Variants in SLC22A3 observed in about 807,000 individuals in gnomAD.
The protein encoded by SLC22A3 is solute carrier family 22 member 3.
In SLC22A3, 51 loss-of-function variants were observed where a neutral mutation model predicts 59.1. The observed-to-expected ratio is 0.86, with a 90% CI of 0.69 to 1.09. SLC22A3 has a LOEUF of 1.09. Among genes scored for constraint, SLC22A3 ranks in the 50% least tolerant of loss-of-function variants. SLC22A3 has a pLI of 0.00. For missense variants in SLC22A3, 711 were observed against 726.3 expected (o/e 0.98, Z 0.24); for synonymous variants, 325 against 292.0 (o/e 1.11, Z -1.15).
Position 160,451,125 on chromosome 6 carries a change from AG to A in SLC22A3, c.*70del. On this transcript the variant is annotated 3_prime_UTR_variant, in exon 11 of 11. Coordinates refer to ENST00000275300, the MANE Select transcript of SLC22A3 (RefSeq NM_021977.4). ...TCCTCCTTGCAAAGCTGTGCCTTGC[AG>A]AGATGCACGTGTGCATTTCAGCTAC... The A allele has an allele frequency of 1.4e-6, 2 of 1,412,010 alleles. No individual in the cohort carries two copies. Among genetic ancestry groups the A allele is most frequent in the Non-Finnish European group, 2.0e-6 (2 of 1,015,114 alleles). The allele number at this position is 1,412,010 out of a possible 1,614,324, so 87.5% of individuals were successfully genotyped here.
At chr6:160,417,709 G>C (rs1787558105) in intron 5 of SLC22A3, among the ~76,000 whole-genome samples, 1 of 152,134 alleles carries the variant, frequency 6.6e-6, no homozygotes, top group South Asian at 2.1e-4. Context: ...TTTGATGTTG[G>C]GGTTGACCAT....
At chr6:160,402,974 C>T (rs540937194) in intron 2 of SLC22A3, among the ~76,000 whole-genome samples, 17 of 150,960 alleles carry the variant, frequency 1.1e-4, no homozygotes, top group African/African-American at 4.1e-4. Context: ...AAGCTTTCAC[C>T]TTAGGAAACT....
At chr6:160,436,152 G>A (rs1309325124) in intron 5 of SLC22A3, among the ~76,000 whole-genome samples, 1 of 152,198 alleles carries the variant, frequency 6.6e-6, no homozygotes, top group Non-Finnish European at 1.5e-5. Context: ...TGATGCTTCC[G>A]CATGTTAGAC....
At chr6:160,388,844 C>G (rs887731309) in intron 1 of SLC22A3, among the ~76,000 whole-genome samples, 6 of 152,130 alleles carry the variant, frequency 3.9e-5, no homozygotes, top group Non-Finnish European at 8.8e-5. Flanking sequence ...GAGATGTTAC[C>G]TGATTGTGGT....
chr6:160,394,151 A>T (rs1786377870), intron 1 of SLC22A3, among the ~76,000 whole-genome samples: 1 of 152,256 alleles, frequency 6.6e-6, no homozygotes, highest in African/African-American at 2.4e-5. Context: ...GAAAAAAAAT[A>T]GGAGATGCCC....
At chr6:160,404,538 A>G (rs542280645) in intron 2 of SLC22A3, among the ~76,000 whole-genome samples, 2 of 152,258 alleles carry the variant, frequency 1.3e-5, no homozygotes, top group East Asian at 3.9e-4. Flanking sequence ...TATATATTCA[A>G]TACAATACTA....
In SLC22A3 at chr6:160,349,653, C is replaced by A. The variant is rs374709759; in HGVS notation, c.429+805C>A. On this transcript the variant is annotated intron_variant, in intron 1 of 10. Coordinates refer to ENST00000275300, the MANE Select transcript of SLC22A3 (RefSeq NM_021977.4). ...GTTAGGGGAGCTTCCTTCACCCTTG[C>A]CCTCAGTAATCTGTTTCTGCATCCT... Among the ~76,000 whole-genome samples, 103 of 152,198 alleles carry A rather than the reference C, an allele frequency of 6.8e-4. 1 individual carries two copies. The highest frequency in any genetic ancestry group is 2.1e-3 in the African/African-American group (87 of 41,512).
rs540926614 is a variant in SLC22A3 at position 160,447,140 on chromosome 6, G to C, written c.1511-579G>C. 1.1e-4 allele frequency among the ~76,000 whole-genome samples: 17 copies of C among 152,326 alleles called. No individual in the cohort carries two copies. In the South Asian group the frequency reaches 3.5e-3, roughly 32 times the overall value. On this transcript the variant is annotated intron_variant, in intron 9 of 10. Coordinates refer to ENST00000275300, the MANE Select transcript of SLC22A3 (RefSeq NM_021977.4). ...AGAAAGGATGGTAATGGAAGGATGA[G>C]GTGAGATTGAGAGAAGGCTGGTCAA...
intron 5 of SLC22A3, among the ~76,000 whole-genome samples, chr6:160,420,987 G>T (rs913230197): frequency 6.6e-6 from 1 of 152,162 alleles, no homozygotes; most frequent in African/African-American, 2.4e-5. Context: ...ATGTCTACCT[G>T]GTTCTTCATC....
chr6:160,407,682 T>A (rs944454996), intron 3 of SLC22A3, among the ~76,000 whole-genome samples: 2 of 152,166 alleles, frequency 1.3e-5, no homozygotes, highest in African/African-American at 2.4e-5. Context: ...AGTTCATTTG[T>A]GACCCTTGGA....
At chr6:160,361,723 C>T (rs1314904163) in intron 1 of SLC22A3, among the ~76,000 whole-genome samples, 1 of 152,144 alleles carries the variant, frequency 6.6e-6, no homozygotes, top group Non-Finnish European at 1.5e-5. Flanking sequence ...AAAGAAATTG[C>T]AATGTCTGAA....
At chr6:160,380,037 G>A (rs775993590) in intron 1 of SLC22A3, among the ~76,000 whole-genome samples, 15 of 152,114 alleles carry the variant, frequency 9.9e-5, no homozygotes, top group Non-Finnish European at 1.3e-4. Context: ...TTCACATAAT[G>A]AGGCTAAAAA....
intron 5 of SLC22A3, among the ~76,000 whole-genome samples, chr6:160,431,220 A>G (rs1267882349): frequency 6.6e-6 from 1 of 152,206 alleles, no homozygotes; most frequent in African/African-American, 2.4e-5. Flanking sequence ...AAAATTTAGT[A>G]ACCCTTTGGC....
intron 7 of SLC22A3, among the ~76,000 whole-genome samples, chr6:160,439,809 T>G (rs1386895009): frequency 2.0e-5 from 3 of 152,194 alleles, no homozygotes; most frequent in Non-Finnish European, 2.9e-5. Context: ...AAGAATACAT[T>G]TCAAATCCCT....
chr6:160,416,572 C>T (rs1787505128), intron 5 of SLC22A3, among the ~76,000 whole-genome samples: 5 of 152,180 alleles, frequency 3.3e-5, no homozygotes, highest in South Asian at 2.1e-4. Flanking sequence ...CAATCATCCA[C>T]TGACCCCAGA....
chr6:160,402,921 A>G (rs1046279159), intron 2 of SLC22A3, among the ~76,000 whole-genome samples: 1 of 151,828 alleles, frequency 6.6e-6, no homozygotes, highest in Admixed American at 6.6e-5. Context: ...ATAGCATTGA[A>G]TACATATATT....
intron 5 of SLC22A3, among the ~76,000 whole-genome samples, chr6:160,424,634 C>T (rs1787881391): frequency 1.3e-5 from 2 of 152,168 alleles, no homozygotes; most frequent in Non-Finnish European, 2.9e-5. Context: ...ACAAATTCTG[C>T]ATGTTAAGTA....
intron 5 of SLC22A3, among the ~76,000 whole-genome samples, chr6:160,434,979 C>A (rs1162308488): frequency 1.3e-5 from 2 of 152,232 alleles, no homozygotes; most frequent in Admixed American, 1.3e-4. Context: ...CCATCGCCTA[C>A]ACAGGTGGTA....
chr6:160,448,728 G>A (rs1314823100), intron 10 of SLC22A3, among the ~76,000 whole-genome samples: 1 of 152,096 alleles, frequency 6.6e-6, no homozygotes, highest in Admixed American at 6.5e-5. Flanking sequence ...ATATGAATAT[G>A]AGAATGTATA....
Sources: gnomAD v4.1 joint callset for allele counts (sites outside exome capture counted in the v4.1 genomes callset) on GRCh38, gnomAD v4.1.1 for gene constraint, MANE v1.5 for transcripts, NCBI Gene and HGNC (gene_info 2026-07-23, HGNC 2026-07-21) for gene names.